CD6: variants seen among roughly 807,000 people sequenced by gnomAD.
CD6 encodes T-cell differentiation antigen CD6.
In CD6, 53 loss-of-function variants were observed where a neutral mutation model predicts 75.3. The observed-to-expected ratio is 0.70, with a 90% CI of 0.56 to 0.88. CD6 has a LOEUF of 0.88. Among genes scored for constraint, CD6 ranks in the 40% least tolerant of loss-of-function variants. The pLI is 0.00. For missense variants in CD6, 770 were observed against 897.1 expected (o/e 0.86, Z 1.81); for synonymous variants, 359 against 381.5 (o/e 0.94, Z 0.69).
rs532037371 is a variant in CD6, at chr11:61,012,320, C to T, written c.1151-1103C>T. ...CACAAAGAGAGATCCAGGGACCACA[C>T]CCCGGCCCTTGGTCCATCAGCCCCT... On this transcript the variant is annotated intron_variant, in intron 6 of 12. Transcript: ENST00000313421. Among the ~76,000 whole-genome samples, 3 of 152,316 alleles carry T rather than the reference C, an allele frequency of 2.0e-5. No homozygotes were observed. The East Asian group carries it at 5.8e-4, about 29-fold the overall frequency.
At chr11:61,014,576 A>C (rs1859312721) in intron 8 of CD6, among the ~76,000 whole-genome samples, 1 of 152,134 alleles carries the variant, frequency 6.6e-6, no homozygotes. Context: ...CTCTACAAAA[A>C]ATGCAAAAAT....
rs1378122900 is a variant in CD6, at chr11:61,007,785, T to C, written c.344T>C (p.Val115Ala). Residue 115 changes from valine to alanine, a missense_variant, in exon 3 of 13, where the codon GTA becomes GCA. Val to Ala is a moderately conservative substitution (Grantham distance 64, BLOSUM62 0). Coordinates refer to ENST00000313421, the MANE Select transcript of CD6 (RefSeq NM_006725.5). The surrounding 1 kb of genome is among the most constrained non-coding windows in gnomAD (Gnocchi z 4.2). Reference protein sequence around the residue: ...PPPPAAGNTSVAANATLAGAP... With the variant: ...PPPPAAGNTSAAANATLAGAP... ...CCGCCTGCAGCCGGGAACACCAGCG[T>C]AGCAGCTAATGCCACTCTGGCCGGG... The C allele has an allele frequency of 1.4e-6, 2 of 1,476,154 alleles. No individual in the cohort carries two copies. The highest frequency in any genetic ancestry group is 1.5e-5 in the African/African-American group (1 of 68,444). 91.4% of individuals were successfully genotyped at this position (1,476,154 alleles called of 1,614,324 possible).
chr11:60,989,225 C>G (rs1857957564), intron 1 of CD6: 1 of 152,242 alleles, frequency 6.6e-6, no homozygotes, highest in Non-Finnish European at 1.5e-5. Context: ...CTTAATTTCC[C>G]TGAGCCTCTT....
At chr11:60,990,806 A>AGGCTGAGGCGGGCAGATCAC (rs1565147498) in intron 1 of CD6, among the ~76,000 whole-genome samples, 20 of 100,106 alleles carry the variant, frequency 2.0e-4, no homozygotes, top group South Asian at 4.8e-4. Context: ...ACCCTACTGG[A>AGGCTGAGGCGGGCAGATCAC]CATATTGTTC....
chr11:60,983,096 T>A (rs1482205726), intron 1 of CD6, among the ~76,000 whole-genome samples: 1 of 151,002 alleles, frequency 6.6e-6, no homozygotes, highest in Non-Finnish European at 1.5e-5. Context: ...GTTTTTTTAC[T>A]TCACTTTTTT....
chr11:61,006,488 G>A (rs1858864040), intron 1 of CD6, 86 bp from the exon 2 acceptor site: 1 of 1,128,412 alleles, frequency 8.9e-7, no homozygotes, highest in East Asian at 2.6e-5. Context: ...ACAGGCTCCA[G>A]GAAGTGCCCC....
chr11:61,019,478 T>G lies in CD6; in HGVS notation c.*160T>G. 1 of 501,306 alleles carries G rather than the reference T, an allele frequency of 2.0e-6. No individual in the cohort carries two copies. Among genetic ancestry groups the G allele is most frequent in the Non-Finnish European group, 3.4e-6 (1 of 291,692 alleles). 31.1% of individuals were successfully genotyped at this position (501,306 alleles called of 1,614,324 possible). Reference sequence around the variant, plus strand: ...AAACGTTATACCTTGTACCCCTCGGTCTCCATCCATCAAGCCAAACCTGCT... The same window carrying G: ...AAACGTTATACCTTGTACCCCTCGGGCTCCATCCATCAAGCCAAACCTGCT... On this transcript the variant is annotated 3_prime_UTR_variant, in exon 13 of 13. Coordinates refer to ENST00000313421, the MANE Select transcript of CD6 (RefSeq NM_006725.5).
At chr11:61,012,968 G>T (rs528976196) in intron 6 of CD6, among the ~76,000 whole-genome samples, 1 of 152,342 alleles carries the variant, frequency 6.6e-6, no homozygotes, top group African/African-American at 2.4e-5. Context: ...CAGTGTCGCT[G>T]TTCAAACCTC....
At chr11:60,985,382 G>A (rs140831559) in intron 1 of CD6, among the ~76,000 whole-genome samples, 77 of 151,532 alleles carry the variant, frequency 5.1e-4, no homozygotes, top group Admixed American at 1.4e-3. Flanking sequence ...ACGGGGTTTC[G>A]CCATGTTAGC....
intron 1 of CD6, among the ~76,000 whole-genome samples, chr11:61,001,240 G>A (rs373763181): frequency 2.6e-4 from 32 of 122,342 alleles, no homozygotes; most frequent in African/African-American, 6.2e-4. Flanking sequence ...TTGCTCTGTC[G>A]CCCAGGCTAG....
At chr11:61,003,745 G>T (rs1858712787) in intron 1 of CD6, among the ~76,000 whole-genome samples, 1 of 152,138 alleles carries the variant, frequency 6.6e-6, no homozygotes, top group South Asian at 2.1e-4. Flanking sequence ...AAACAAAAAA[G>T]GTGATAATGA....
At chr11:60,974,578 C>T (rs1857299869) in intron 1 of CD6, among the ~76,000 whole-genome samples, 1 of 152,220 alleles carries the variant, frequency 6.6e-6, no homozygotes, top group South Asian at 2.1e-4. Flanking sequence ...GCACGAGGCC[C>T]TATCTCCTGG....
rs191971457 is a variant in CD6, at chr11:60,998,028, G to T, written c.50-8546G>T. 4.4e-4 allele frequency among the ~76,000 whole-genome samples: 67 copies of T among 152,280 alleles called. 1 individual carries two copies. In the South Asian group the frequency reaches 0.013, roughly 29 times the overall value. ...CTTTGTGTACCATGGGCCCACTTCC[G>T]TGATGATAAATGGACGGTGTAGGAC... On this transcript the variant is annotated intron_variant, in intron 1 of 12. Coordinates refer to ENST00000313421, the MANE Select transcript of CD6 (RefSeq NM_006725.5).
rs769846490 is a variant in CD6 at position 61,017,787 on chromosome 11, C to A, written c.1611C>A (p.Ile537=). 2 of 1,614,150 alleles carry A rather than the reference C, an allele frequency of 1.2e-6. No homozygotes were observed. The highest frequency in any genetic ancestry group is 1.7e-5 in the Admixed American group (1 of 60,018). ...EGLEELHASH[I]PTANPGHCIT... is the part of the protein sequence containing the mutation. ...TTGAAGAGTTGCATGCCTCCCACAT[C>A]CCAACTGCCAACCCTGGACACTGCA... Residue 537 remains isoleucine, a synonymous_variant, in exon 11 of 13, where the codon ATC becomes ATA. Coordinates refer to ENST00000313421, the MANE Select transcript of CD6 (RefSeq NM_006725.5).
intron 1 of CD6, among the ~76,000 whole-genome samples, chr11:61,001,128 T>C (rs924124558): frequency 6.6e-5 from 10 of 152,010 alleles, no homozygotes; most frequent in African/African-American, 2.2e-4. Context: ...AATAAAAGTT[T>C]AAATAATTAT....
chr11:60,997,043 C>G (rs1320305514), intron 1 of CD6, among the ~76,000 whole-genome samples: 1 of 152,142 alleles, frequency 6.6e-6, no homozygotes, highest in African/African-American at 2.4e-5. Flanking sequence ...TCCCCCCATA[C>G]AGCACTGTCT....
At chr11:61,012,766 G>A (rs936084823) in intron 6 of CD6, among the ~76,000 whole-genome samples, 8 of 152,280 alleles carry the variant, frequency 5.3e-5, no homozygotes, top group African/African-American at 1.7e-4. Context: ...GCAGAGGTGG[G>A]AGACCCTGAA....
At chr11:61,005,941 A>AG (rs201509318) in intron 1 of CD6, among the ~76,000 whole-genome samples, 4,859 of 151,278 alleles carry the variant, frequency 0.032, 278 homozygotes, top group East Asian at 0.24. Flanking sequence ...CAAAAAAAAA[A>AG]AAAGAAAGAA....
chr11:60,973,689 G>A (rs886820091), intron 1 of CD6, among the ~76,000 whole-genome samples: 3 of 152,204 alleles, frequency 2.0e-5, no homozygotes, highest in Non-Finnish European at 4.4e-5. Context: ...GGGGAGAGGA[G>A]ATGGCCTCCT....
Sources: gnomAD v4.1 joint callset for allele counts (sites outside exome capture counted in the v4.1 genomes callset) on GRCh38, gnomAD v4.1.1 for gene constraint, Gnocchi (gnomAD v3.1) non-coding constraint, MANE v1.5 for transcripts, NCBI Gene and HGNC (gene_info 2026-07-23, HGNC 2026-07-21) for gene names.